WWC2: variants seen among roughly 807,000 people sequenced by gnomAD.
WWC2 encodes protein WWC2.
In WWC2, 101 loss-of-function variants were observed where a neutral mutation model predicts 138.5. The ratio of observed to expected loss-of-function variants is 0.73; its 90% CI spans 0.62 to 0.86. The LOEUF is 0.86. Among genes scored for constraint, WWC2 ranks in the 40% least tolerant of loss-of-function variants. The pLI is 0.00. For missense variants in WWC2, 1,420 were observed against 1,419.4 expected (o/e 1.00, Z -0.01); for synonymous variants, 558 against 538.4 (o/e 1.04, Z -0.50).
chr4:183,289,489 C>T lies in WWC2; in HGVS notation c.3238C>T (p.Gln1080Ter), dbSNP rs1341045338. ...ELDLQASLTR[Q>*]SRLNDELQAL... is the part of the protein sequence containing the mutation. ...GGACCTTCAGGCATCTCTGACCCGG[C>T]AGAGCCGCCTCAATGATGAGCTGCA... is the stretch of plus-strand genomic sequence containing the variant. The change falls in exon 21 of 23, where the codon CAG (glutamine) becomes TAG (stop). Residue 1080 changes from glutamine (Q) to a stop codon, truncating the protein, a stop_gained. Transcript: ENST00000403733. LOFTEE classifies it high-confidence loss of function. The T allele has an allele frequency of 6.2e-7, 1 of 1,613,654 alleles. No homozygotes were observed. The highest frequency in any genetic ancestry group is 8.5e-7 in the Non-Finnish European group (1 of 1,179,788).
At chr4:183,180,205 G>T (rs1434060604) in intron 1 of WWC2, among the ~76,000 whole-genome samples, 1 of 152,256 alleles carries the variant, frequency 6.6e-6, no homozygotes, top group Admixed American at 6.5e-5. Context: ...TATATCAGGC[G>T]GACTGGCTTC....
Position 183,149,144 on chromosome 4 carries a change from C to T in WWC2, c.132-44455C>T, listed in dbSNP as rs1011244204. Reference sequence around the variant, plus strand: ...ATGGCTTTAATGAATTGTCATAAAGCGAATACCCTCCTAACACCAACCAGA... The same window carrying T: ...ATGGCTTTAATGAATTGTCATAAAGTGAATACCCTCCTAACACCAACCAGA... On this transcript the variant is annotated intron_variant, in intron 1 of 22. Transcript: ENST00000403733. Among the ~76,000 whole-genome samples the T allele has an allele frequency of 7.9e-5, 12 of 152,034 alleles. No individual in the cohort carries two copies. The East Asian group carries it at 9.7e-4, about 12-fold the overall frequency.
At chr4:183,271,375 C>T (rs1000967909) in intron 16 of WWC2, 134 bp downstream of exon 16, 3 of 677,514 alleles carry the variant, frequency 4.4e-6, no homozygotes, top group South Asian at 1.1e-4. Flanking sequence ...TTCCTTTTCT[C>T]CTTTCACAAC....
intron 21 of WWC2, among the ~76,000 whole-genome samples, chr4:183,296,309 A>G (rs979887006): frequency 6.6e-6 from 1 of 152,210 alleles, no homozygotes; most frequent in Non-Finnish European, 1.5e-5. Flanking sequence ...ACTCTCTTAG[A>G]TGGTGTAAAA....
chr4:183,236,889 T>C (rs1736442684), intron 4 of WWC2, among the ~76,000 whole-genome samples: 1 of 152,190 alleles, frequency 6.6e-6, no homozygotes, highest in South Asian at 2.1e-4. Context: ...TCCATGAACA[T>C]GGTCTATCTT....
At chr4:183,168,918 G>A (rs1046719341) in intron 1 of WWC2, among the ~76,000 whole-genome samples, 14 of 151,896 alleles carry the variant, frequency 9.2e-5, no homozygotes, top group Admixed American at 3.9e-4. Flanking sequence ...GCACGATCTC[G>A]GCTCGCCACA....
At chr4:183,281,546 A>G (rs547643785) in intron 17 of WWC2, among the ~76,000 whole-genome samples, 153 of 152,202 alleles carry the variant, frequency 1.0e-3, no homozygotes, top group Middle Eastern at 3.4e-3. Context: ...TTTTTAATAT[A>G]TAGTTGTTTA....
chr4:183,244,740 A>T (rs767661770), intron 5 of WWC2, among the ~76,000 whole-genome samples: 1 of 150,704 alleles, frequency 6.6e-6, no homozygotes, highest in Non-Finnish European at 1.5e-5. Flanking sequence ...GCAAAACATT[A>T]TGTAAATCAG....
intron 20 of WWC2, among the ~76,000 whole-genome samples, chr4:183,288,265 C>T (rs1456442019): frequency 6.6e-6 from 1 of 152,208 alleles, no homozygotes; most frequent in Non-Finnish European, 1.5e-5. Flanking sequence ...TAGGGACAGA[C>T]AGGCCCCCTC....
At chr4:183,255,663 A>G (rs1737112226) in intron 9 of WWC2, among the ~76,000 whole-genome samples, 1 of 152,116 alleles carries the variant, frequency 6.6e-6, no homozygotes, top group African/African-American at 2.4e-5. Context: ...AAGAAGACAT[A>G]TTTGTTTGTC....
intron 5 of WWC2, among the ~76,000 whole-genome samples, chr4:183,244,295 A>AT (rs1234980691): frequency 2.6e-5 from 4 of 152,220 alleles, no homozygotes; most frequent in East Asian, 3.9e-4. Flanking sequence ...ACATGAAACT[A>AT]TTTTTTTAAA....
intron 4 of WWC2, among the ~76,000 whole-genome samples, chr4:183,220,188 G>A (rs1735881784): frequency 6.6e-6 from 1 of 152,036 alleles, no homozygotes; most frequent in African/African-American, 2.4e-5. Context: ...AGTTTGGAGT[G>A]GATTTTTCTG....
At chr4:183,304,790 A>G (rs138022968) in intron 21 of WWC2, among the ~76,000 whole-genome samples, 89 of 152,350 alleles carry the variant, frequency 5.8e-4, no homozygotes, top group African/African-American at 2.1e-3. Context: ...CCATCTTACC[A>G]CAAAACTAAA....
At chr4:183,137,087 A>C (rs1340701819) in intron 1 of WWC2, among the ~76,000 whole-genome samples, 1 of 152,284 alleles carries the variant, frequency 6.6e-6, no homozygotes, top group East Asian at 1.9e-4. Flanking sequence ...AGGAAGTTGC[A>C]CTGAGCGAGT....
chr4:183,258,672 A>G (rs1737227834), intron 9 of WWC2, among the ~76,000 whole-genome samples: 1 of 152,326 alleles, frequency 6.6e-6, no homozygotes, highest in South Asian at 2.1e-4. Flanking sequence ...CCAGGGAGAC[A>G]CAGGGGAATT....
chr4:183,202,614 T>C (rs1159877191), intron 2 of WWC2, among the ~76,000 whole-genome samples: 1 of 152,192 alleles, frequency 6.6e-6, no homozygotes, highest in East Asian at 1.9e-4. Context: ...GATATAATTT[T>C]ATAATTTATT....
chr4:183,112,117 T>G lies in WWC2; in HGVS notation c.131+12495T>G, dbSNP rs1352250254. Among the ~76,000 whole-genome samples, 3 of 152,360 alleles carry G rather than the reference T, an allele frequency of 2.0e-5. No individual in the cohort carries two copies. The East Asian group carries it at 5.8e-4, about 29-fold the overall frequency. ...CCAGTATTTAACTTGGCAGAATGTT[T>G]AACATAACATCAGTGCCCTGGTTTG... On this transcript the variant is annotated intron_variant, in intron 1 of 22. Transcript: ENST00000403733.
At chr4:183,247,759 A>AC in intron 6 of WWC2, among the ~76,000 whole-genome samples, 2 of 141,182 alleles carry the variant, frequency 1.4e-5, no homozygotes, top group African/African-American at 5.2e-5. Flanking sequence ...TACATAATAT[A>AC]TATATAATAT....
In WWC2 at chr4:183,284,338, T is replaced by C. The variant is rs1176529522; in HGVS notation, c.2996T>C (p.Ile999Thr). The change falls in exon 19 of 23, where the codon ATA becomes ACA. Residue 999 changes from isoleucine (I) to threonine (T), a missense_variant. Physicochemically the swap from Ile to Thr is moderately conservative, Grantham distance 89 (BLOSUM62 -1). Coordinates refer to ENST00000403733, the MANE Select transcript of WWC2 (RefSeq NM_024949.6). ...CATCCGTTTGTGAGGAGCAGTGTGA[T>C]AGTGCGCTCACAGACCTTTTCTCCA... is the stretch of plus-strand genomic sequence containing the variant. ...RQHPFVRSSV[I>T]VRSQTFSPGE... The C allele has an allele frequency of 6.2e-7, 1 of 1,613,906 alleles. No individual in the cohort carries two copies.
Sources: allele counts gnomAD v4.1 joint callset (sites outside exome capture counted in the v4.1 genomes callset), GRCh38; gene constraint gnomAD v4.1.1; transcripts MANE v1.5; gene names NCBI Gene and HGNC (gene_info 2026-07-23, HGNC 2026-07-21).